The following PRELID3A variants were observed in gnomAD, a reference collection of about 807,000 sequenced individuals.
PRELID3A encodes PRELI domain containing 3A, also known as PRELI domain containing protein 3A.
A neutral mutation model predicts 23.0 loss-of-function variants in PRELID3A; 27 were observed. The ratio of observed to expected loss-of-function variants is 1.17; its 90% CI spans 0.87 to 1.62. The LOEUF (loss-of-function observed/expected upper bound fraction) is 1.62, where lower values mean the gene tolerates loss of function less well. Ranked by LOEUF, PRELID3A falls within the 40% of genes most tolerant of loss-of-function variation. The pLI, the probability that PRELID3A is intolerant of heterozygous loss-of-function variation, is 0.00. For missense variants in PRELID3A, 231 were observed against 231.4 expected (o/e 1.00, Z 0.01); for synonymous variants, 87 against 86.4 (o/e 1.01, Z -0.04).
chr18:12,420,499 C>G lies in PRELID3A; in HGVS notation c.201+6C>G, dbSNP rs1183415809. On this transcript the variant is annotated splice_donor_region_variant and intron_variant, in intron 2 of 6. Transcript: ENST00000440960. ...TGCCCAGCCTCGTGAGAGCGGTGAG[C>G]GGGGCGGGGGCTGCGGCTCCGAACG... 1.3e-6 allele frequency: 2 copies of G among 1,525,426 alleles called. No individual in the cohort carries two copies. Among genetic ancestry groups the G allele is most frequent in the East Asian group, 2.5e-5 (1 of 40,146 alleles). 94.5% of individuals were successfully genotyped at this position (1,525,426 alleles called of 1,614,324 possible).
chr18:12,428,911 T>C (rs1486578115), intron 5 of PRELID3A, among the ~76,000 whole-genome samples: 1 of 152,218 alleles, frequency 6.6e-6, no homozygotes, highest in Non-Finnish European at 1.5e-5. Flanking sequence ...TATTTCACTT[T>C]ATTAGAGGTT....
intron 1 of PRELID3A, among the ~76,000 whole-genome samples, chr18:12,415,100 C>T (rs1362640459): frequency 6.6e-6 from 1 of 151,872 alleles, no homozygotes; most frequent in Non-Finnish European, 1.5e-5. Flanking sequence ...GGCTAATTTT[C>T]GTATTTTTTG....
chr18:12,421,062 A>C (rs2030164997), intron 2 of PRELID3A, among the ~76,000 whole-genome samples: 1 of 152,164 alleles, frequency 6.6e-6, no homozygotes, highest in African/African-American at 2.4e-5. Context: ...CTGGAAATGC[A>C]AATCTGAGCA....
chr18:12,420,429 G>A lies in PRELID3A; in HGVS notation c.137G>A (p.Arg46His). 1 of 1,586,608 alleles carries A rather than the reference G, an allele frequency of 6.3e-7. No individual in the cohort carries two copies. The highest frequency in any genetic ancestry group is 8.6e-7 in the Non-Finnish European group (1 of 1,167,668). The change falls in exon 2 of 7, where the codon CGC (arginine) becomes CAC (histidine). Residue 46 changes from arginine to histidine, a missense_variant. Transcript: ENST00000440960. ...GTGCTACAGCGCCGCGTGGACGGCC[G>A]CGGCCGCCTGCACAGCTTGCGCCTG... ...VDVLQRRVDG[R>H]GRLHSLRLLS...
chr18:12,416,620 G>A (rs1254207353), intron 1 of PRELID3A, among the ~76,000 whole-genome samples: 3 of 151,384 alleles, frequency 2.0e-5, no homozygotes, highest in African/African-American at 7.3e-5. Context: ...GCCCAGACAA[G>A]GCTATTTTCT....
In PRELID3A at chr18:12,424,207, T is replaced by C. The variant is rs529176720; in HGVS notation, c.291+2578T>C. 1.9e-4 allele frequency among the ~76,000 whole-genome samples: 29 copies of C among 152,334 alleles called. 1 individual carries two copies. In the South Asian group the frequency reaches 4.1e-3, roughly 22 times the overall value. ...TGCCCCCAAAACCAATATTTACTTA[T>C]GAAATTCCACCTTATCCTTCCAGAA... On this transcript the variant is annotated intron_variant, in intron 3 of 6. Coordinates refer to ENST00000440960, the MANE Select transcript of PRELID3A (RefSeq NM_001142405.2).
intron 4 of PRELID3A, 27 bp downstream of exon 4, chr18:12,427,138 C>T (rs1451419706): frequency 1.9e-6 from 3 of 1,601,450 alleles, no homozygotes; most frequent in African/African-American, 1.3e-5. Context: ...GGGATTGACA[C>T]ATTGAATGCC....
chr18:12,418,101 T>C (rs967915929), intron 1 of PRELID3A, among the ~76,000 whole-genome samples: 17 of 152,216 alleles, frequency 1.1e-4, no homozygotes, highest in African/African-American at 3.1e-4. Flanking sequence ...CTCTGTTATA[T>C]TGAAAATTGA....
intron 1 of PRELID3A, among the ~76,000 whole-genome samples, chr18:12,411,952 C>G (rs1331792619): frequency 6.6e-6 from 1 of 150,628 alleles, no homozygotes; most frequent in African/African-American, 2.4e-5. Context: ...GCTCTGTCGC[C>G]CAGGCTGGAG....
rs1555677300 is a variant in PRELID3A, at chr18:12,426,563, A to AAAGAAAAAAAAAAAAAG, written c.292-476_292-475insGAAAAAAAAAAAAAGAA. Among the ~76,000 whole-genome samples the AAAGAAAAAAAAAAAAAG allele has an allele frequency of 3.4e-5, 3 of 87,712 alleles. No homozygotes were observed. In the East Asian group the frequency reaches 1.2e-3, roughly 35 times the overall value. 57.5% of individuals were successfully genotyped at this position (87,712 alleles called of 152,430 possible). A position where few individuals can be genotyped will look rare whatever the true frequency, so the allele number is the denominator to read the frequency against. On this transcript the variant is annotated intron_variant, in intron 3 of 6. Coordinates refer to ENST00000440960, the MANE Select transcript of PRELID3A (RefSeq NM_001142405.2). ...AGTGAGACTCCATCTCAAAAAAAAA[A>AAAGAAAAAAAAAAAAAG]AAAGTATAAATATGTACATAAGGAG...
chr18:12,420,852 C>T (rs1268444659), intron 2 of PRELID3A, among the ~76,000 whole-genome samples: 1 of 151,348 alleles, frequency 6.6e-6, no homozygotes, highest in Admixed American at 6.6e-5. Context: ...GAGGCTCTGC[C>T]TGGCGCGTGG....
At chr18:12,408,895 G>A (rs75292152) in intron 1 of PRELID3A, among the ~76,000 whole-genome samples, 2,551 of 152,270 alleles carry the variant, frequency 0.017, 32 homozygotes, top group African/African-American at 0.025. Context: ...ATACTCCATA[G>A]AATTGTGCAA....
chr18:12,429,057 C>G (rs1487165796), intron 5 of PRELID3A, among the ~76,000 whole-genome samples: 2 of 152,120 alleles, frequency 1.3e-5, no homozygotes, highest in Non-Finnish European at 2.9e-5. Flanking sequence ...TCCTGGCCTC[C>G]TGGGGCAGCC....
intron 1 of PRELID3A, among the ~76,000 whole-genome samples, chr18:12,411,584 A>C (rs1909914292): frequency 6.6e-6 from 1 of 152,138 alleles, no homozygotes; most frequent in South Asian, 2.1e-4. Flanking sequence ...GATTTCCTGC[A>C]GGGTTCAAGG....
chr18:12,418,354 A>G (rs1213508998), intron 1 of PRELID3A, among the ~76,000 whole-genome samples: 1 of 152,266 alleles, frequency 6.6e-6, no homozygotes, highest in Admixed American at 6.5e-5. Flanking sequence ...AGCTGTTTAT[A>G]ATCATATTCC....
intron 1 of PRELID3A, 145 bp downstream of exon 1, chr18:12,408,152 A>G (rs1023292584): frequency 9.8e-5 from 71 of 721,352 alleles, no homozygotes; most frequent in Non-Finnish European, 1.3e-4. Flanking sequence ...CCAGACCGCA[A>G]CTTCGGCGTC....
In PRELID3A at chr18:12,424,871, C is replaced by T. The variant is rs573019155; in HGVS notation, c.292-2170C>T. On this transcript the variant is annotated intron_variant, in intron 3 of 6. Coordinates refer to ENST00000440960, the MANE Select transcript of PRELID3A (RefSeq NM_001142405.2). ...TATTTATGGCCAGTGCGGTGGCCCA[C>T]GCCTGTAATCCCAGCACTTTGGGAG... 6.6e-5 allele frequency among the ~76,000 whole-genome samples: 10 copies of T among 152,298 alleles called. No homozygotes were observed. The South Asian group carries it at 2.1e-3, about 32-fold the overall frequency.
intron 1 of PRELID3A, among the ~76,000 whole-genome samples, 181 bp downstream of exon 1, chr18:12,408,188 G>A (rs965305348): frequency 2.0e-5 from 3 of 151,942 alleles, no homozygotes; most frequent in African/African-American, 7.2e-5. Flanking sequence ...GCGCTTCCCC[G>A]GGACCGCGGT....
intron 1 of PRELID3A, among the ~76,000 whole-genome samples, chr18:12,408,325 CGGGGGCGGCCGGAGCCGG>C (rs1287718077): frequency 1.2e-3 from 180 of 150,192 alleles, no homozygotes; most frequent in South Asian, 5.2e-3. Context: ...GCGGCCGGGG[CGGGGGCGGCCGGAGCCGG>C]GGGGGCGGCC....
Sources: allele counts gnomAD v4.1 joint callset (sites outside exome capture counted in the v4.1 genomes callset), GRCh38; gene constraint gnomAD v4.1.1; transcripts MANE v1.5; gene names NCBI Gene and HGNC (gene_info 2026-07-23, HGNC 2026-07-21).